GRM7: variants seen among roughly 807,000 people sequenced by gnomAD.
GRM7 encodes the protein glutamate metabotropic receptor 7.
Under a neutral mutation model 84.5 loss-of-function variants are expected in GRM7, and 35 were observed. That is an observed-to-expected ratio of 0.41 (90% CI 0.32 to 0.55). The LOEUF (loss-of-function observed/expected upper bound fraction) is 0.55. Ranked by LOEUF, GRM7 falls within the 20% of genes least tolerant of loss-of-function variation. The pLI, the probability that GRM7 is intolerant of heterozygous loss-of-function variation, is 0.19. For missense variants in GRM7, 1,003 were observed against 1,194.6 expected, an observed-to-expected ratio of 0.84 and a Z score of 2.36; for synonymous variants, 487 against 455.1, an observed-to-expected ratio of 1.07 and a Z score of -0.89.
Position 7,075,496 on chromosome 3 carries a change from ATGTGTGTGTGTG to A in GRM7, c.520-70918_520-70907del, listed in dbSNP as rs376048569. On this transcript the variant is annotated intron_variant, in intron 1 of 9. Coordinates refer to ENST00000357716, the MANE Select transcript of GRM7 (RefSeq NM_000844.4). ...CTATCCAAAACTTCTTGCTTCTCAG[ATGTGTGTGTGTG>A]TGTGTGTGTGTGTGTGTGTGTGTGT... 8.9e-4 allele frequency among the ~76,000 whole-genome samples: 123 copies of A among 138,580 alleles called. 1 individual carries two copies. The highest frequency in any genetic ancestry group is 3.3e-3 in the Admixed American group (45 of 13,816). The allele number at this position is 138,580 out of a possible 152,430, so 90.9% of individuals were successfully genotyped here. A position where few individuals can be genotyped will look rare whatever the true frequency, so the allele number is the denominator to read the frequency against.
intron 7 of GRM7, among the ~76,000 whole-genome samples, chr3:7,545,975 G>A (rs189153610): frequency 5.6e-4 from 85 of 152,252 alleles, no homozygotes; most frequent in Middle Eastern, 3.4e-3. Context: ...CAGGTTTGAT[G>A]TGAGTATTAA....
At chr3:7,293,376 T>C (rs1279391253) in intron 2 of GRM7, among the ~76,000 whole-genome samples, 2 of 152,196 alleles carry the variant, frequency 1.3e-5, no homozygotes, top group African/African-American at 2.4e-5. Flanking sequence ...TCTGGGACTC[T>C]GAAATTCTTT....
rs1458714263 is a variant in GRM7, at chr3:7,578,973, A to G, written c.2067A>G (p.Lys689=). The part of the protein sequence containing the change: ...RIYRIFEQGK[K]SVTAPRLISP... ...ATCGCATATTTGAGCAGGGCAAGAA[A>G]TCAGTAACAGCTCCCAGACTCATAA... is the stretch of plus-strand genomic sequence containing the variant. The change falls in exon 8 of 10, where the codon AAA becomes AAG. Residue 689 remains lysine (K), a synonymous_variant. Transcript: ENST00000357716. The G allele has an allele frequency of 6.2e-7, 1 of 1,614,146 alleles. No individual in the cohort carries two copies. The highest frequency in any genetic ancestry group is 8.5e-7 in the Non-Finnish European group (1 of 1,180,024).
At chr3:7,595,703 G>T (rs1275897864) in intron 8 of GRM7, among the ~76,000 whole-genome samples, 1 of 152,062 alleles carries the variant, frequency 6.6e-6, no homozygotes, top group Non-Finnish European at 1.5e-5. Flanking sequence ...ACTGGGGGTG[G>T]GGGTAGGGAA....
At chr3:6,931,058 C>T (rs1441183797) in intron 1 of GRM7, among the ~76,000 whole-genome samples, 2 of 152,174 alleles carry the variant, frequency 1.3e-5, no homozygotes. Context: ...GCTTTGTATC[C>T]ATTTATATTG....
intron 9 of GRM7, among the ~76,000 whole-genome samples, chr3:7,708,004 G>A (rs28545495): frequency 7.0e-6 from 1 of 143,848 alleles, no homozygotes; most frequent in Admixed American, 7.2e-5. Flanking sequence ...CAAACTCAGA[G>A]ACTGAATTTT....
chr3:6,966,934 A>G (rs1693542597), intron 1 of GRM7, among the ~76,000 whole-genome samples: 1 of 152,154 alleles, frequency 6.6e-6, no homozygotes, highest in Non-Finnish European at 1.5e-5. Context: ...TATCTCTCCT[A>G]TAAGGGGGAA....
At chr3:7,402,101 T>A (rs1362623541) in intron 4 of GRM7, among the ~76,000 whole-genome samples, 1 of 152,140 alleles carries the variant, frequency 6.6e-6, no homozygotes, top group Non-Finnish European at 1.5e-5. Flanking sequence ...CAAACTGAAT[T>A]TTTCTACTTC....
chr3:7,706,152 T>C (rs1165885050), intron 9 of GRM7, among the ~76,000 whole-genome samples: 2 of 152,202 alleles, frequency 1.3e-5, no homozygotes, highest in African/African-American at 2.4e-5. Flanking sequence ...TTGACTTCTA[T>C]AGCCCTAGAC....
chr3:6,944,814 T>C (rs751113385), intron 1 of GRM7, among the ~76,000 whole-genome samples: 9 of 152,130 alleles, frequency 5.9e-5, no homozygotes, highest in Admixed American at 2.0e-4. Flanking sequence ...GGAGTTTTTA[T>C]TGTGAGAAGG....
chr3:6,868,674 C>T (rs922059044), intron 1 of GRM7, among the ~76,000 whole-genome samples: 3 of 152,128 alleles, frequency 2.0e-5, no homozygotes, highest in African/African-American at 7.2e-5. Flanking sequence ...TAGGGAAATC[C>T]ATCATTCAGA....
intron 2 of GRM7, among the ~76,000 whole-genome samples, chr3:7,199,003 G>A (rs1052608871): frequency 5.9e-5 from 9 of 152,094 alleles, no homozygotes; most frequent in African/African-American, 1.2e-4. Flanking sequence ...TGTTATTAAA[G>A]TGGACTGTAT....
At chr3:7,287,833 A>G (rs1488617312) in intron 2 of GRM7, among the ~76,000 whole-genome samples, 4 of 152,150 alleles carry the variant, frequency 2.6e-5, no homozygotes, top group African/African-American at 9.7e-5. Flanking sequence ...AATGTATCTT[A>G]GCAGAGACAC....
At chr3:7,700,556 C>G (rs773431471) in intron 9 of GRM7, among the ~76,000 whole-genome samples, 2 of 152,106 alleles carry the variant, frequency 1.3e-5, no homozygotes, top group Non-Finnish European at 2.9e-5. Context: ...CTTTTAGATT[C>G]TTCATAAATA....
intron 1 of GRM7, among the ~76,000 whole-genome samples, chr3:6,931,713 A>G (rs1337838249): frequency 6.6e-6 from 1 of 152,112 alleles, no homozygotes; most frequent in African/African-American, 2.4e-5. Context: ...TGATATGTTT[A>G]TTTGTGTATT....
rs181340152 is a variant in GRM7, at chr3:7,461,202, T to G, written c.1376-381T>G. Among the ~76,000 whole-genome samples, 63 of 152,334 alleles carry G rather than the reference T, an allele frequency of 4.1e-4. 1 individual carries two copies. Among genetic ancestry groups the G allele is most frequent in the Non-Finnish European group, 7.9e-4 (54 of 68,024 alleles). On this transcript the variant is annotated intron_variant, in intron 6 of 9. Transcript: ENST00000357716. The stretch of plus-strand genomic sequence containing the variant: ...TTGTTCTTTACTGACGAAAATTTAG[T>G]GTTAGATGGAAACTAAAATAATAGT...
chr3:7,362,269 T>C (rs1042068289), intron 4 of GRM7, among the ~76,000 whole-genome samples: 1 of 151,974 alleles, frequency 6.6e-6, no homozygotes, highest in Non-Finnish European at 1.5e-5. Context: ...GAGAAACTAA[T>C]GATAGTGTGA....
intron 1 of GRM7, among the ~76,000 whole-genome samples, chr3:7,100,681 G>A (rs540754975): frequency 8.8e-4 from 133 of 151,720 alleles, no homozygotes; most frequent in Middle Eastern, 3.4e-3. Context: ...TTTAAGAGAG[G>A]AATTTTAAGA....
chr3:7,730,932 C>T (rs1324480398), intron 9 of GRM7, among the ~76,000 whole-genome samples: 1 of 152,138 alleles, frequency 6.6e-6, no homozygotes, highest in Non-Finnish European at 1.5e-5. Flanking sequence ...AAAACATATA[C>T]ACCATCAAAG....
Sources: gnomAD v4.1 joint callset for allele counts (sites outside exome capture counted in the v4.1 genomes callset) on GRCh38, gnomAD v4.1.1 for gene constraint, MANE v1.5 for transcripts, NCBI Gene and HGNC (gene_info 2026-07-23, HGNC 2026-07-21) for gene names.